ERI3: variants seen among roughly 807,000 people sequenced by gnomAD.
ERI3 encodes the protein ERI1 exoribonuclease 3.
ERI3 carries 18 observed loss-of-function variants against 44.4 expected under a neutral mutation model. The ratio of observed to expected loss-of-function variants is 0.41; its 90% confidence interval spans 0.28 to 0.60. The LOEUF (loss-of-function observed/expected upper bound fraction) is 0.60, where lower values mean the gene tolerates loss of function less well. Among genes scored for constraint, ERI3 ranks in the 20% least tolerant of loss-of-function variants. The pLI is 0.36. For synonymous variants in ERI3, 183 were observed against 164.8 expected, an observed-to-expected ratio of 1.11 and a Z score of -0.84; for missense variants, 294 against 435.5, an observed-to-expected ratio of 0.68 and a Z score of 2.89.
At position 44,285,512 on chromosome 1, in the gene ERI3, A is replaced by G. The variant is rs6698954; in HGVS notation, c.759-605T>C. 8.0e-3 allele frequency among the ~76,000 whole-genome samples: 1,212 copies of G among 152,334 alleles called. 10 individuals are homozygous for G. The highest frequency in any genetic ancestry group is 0.013 in the Non-Finnish European group (863 of 68,020). On this transcript the variant is annotated intron_variant, in intron 6 of 8. Coordinates refer to ENST00000372257, the MANE Select transcript of ERI3 (RefSeq NM_024066.3). Reference sequence around the variant, plus strand: ...GCTACAGGTTTGTTTCAGATAGAGAAGAGGCCAGGTAGAAGGATAAGAAGA... The same window carrying G: ...GCTACAGGTTTGTTTCAGATAGAGAGGAGGCCAGGTAGAAGGATAAGAAGA...
chr1:44,336,011 A>G (rs1429058035), intron 3 of ERI3, among the ~76,000 whole-genome samples: 1 of 152,182 alleles, frequency 6.6e-6, no homozygotes, highest in East Asian at 1.9e-4. Flanking sequence ...TACTCCTTGG[A>G]ATAATTACTC....
At chr1:44,232,275 G>A (rs542838386) in intron 8 of ERI3, among the ~76,000 whole-genome samples, 5 of 152,206 alleles carry the variant, frequency 3.3e-5, no homozygotes, top group African/African-American at 9.7e-5. Context: ...CAAAGAGGAC[G>A]CTGCTATTTC....
At chr1:44,280,148 G>C (rs1645257457) in intron 7 of ERI3, among the ~76,000 whole-genome samples, 1 of 151,990 alleles carries the variant, frequency 6.6e-6, no homozygotes, top group African/African-American at 2.4e-5. Context: ...CAAACTTCGG[G>C]GTTTTACAGA....
intron 7 of ERI3, among the ~76,000 whole-genome samples, chr1:44,283,795 C>T (rs1645336035): frequency 6.6e-6 from 1 of 152,180 alleles, no homozygotes; most frequent in South Asian, 2.1e-4. Flanking sequence ...ACTGCTCCTC[C>T]ACATGTTTGC....
chr1:44,344,695 G>A (rs923987483), intron 2 of ERI3, among the ~76,000 whole-genome samples: 1 of 152,186 alleles, frequency 6.6e-6, no homozygotes, highest in Non-Finnish European at 1.5e-5. Context: ...ATGAGGGCCA[G>A]AACTCAAAAG....
intron 7 of ERI3, among the ~76,000 whole-genome samples, chr1:44,279,820 GA>G (rs1361653340): frequency 6.6e-6 from 1 of 151,998 alleles, no homozygotes; most frequent in African/African-American, 2.4e-5. Context: ...AATACTCTTT[GA>G]AAAAGCAAAT....
chr1:44,339,194 C>A lies in ERI3; in HGVS notation c.340G>T (p.Glu114Ter), dbSNP rs1455062124. The A allele has an allele frequency of 6.2e-7, 1 of 1,614,064 alleles. No individual in the cohort carries two copies. The highest frequency in any genetic ancestry group is 8.5e-7 in the Non-Finnish European group (1 of 1,180,012). Residue 114 changes from glutamate to a stop codon, truncating the protein, a stop_gained, in exon 3 of 9, where the codon GAG (glutamate) becomes TAG (stop). Transcript: ENST00000372257. LOFTEE classifies it high-confidence loss of function. ...TTTCTGGTGGATATGGAGCAGAACT[C>A]CGGAACACCACAGGGAGAAAATAAG... ...SHLFSPCGVP[E>*]FCSISTRKLA...
At chr1:44,278,847 C>T (rs886193575) in intron 7 of ERI3, among the ~76,000 whole-genome samples, 4 of 152,218 alleles carry the variant, frequency 2.6e-5, no homozygotes, top group African/African-American at 4.8e-5. Flanking sequence ...AGGTGATCTG[C>T]CCACCTCGGC....
intron 7 of ERI3, among the ~76,000 whole-genome samples, chr1:44,274,767 G>C (rs1483990590): frequency 6.6e-6 from 1 of 152,180 alleles, no homozygotes; most frequent in Non-Finnish European, 1.5e-5. Context: ...TTCCCTCCCA[G>C]GGTTCCAGCA....
At chr1:44,233,560 C>T (rs984932243) in intron 8 of ERI3, among the ~76,000 whole-genome samples, 7 of 152,218 alleles carry the variant, frequency 4.6e-5, no homozygotes, top group South Asian at 4.1e-4. Context: ...CTTGCCACCA[C>T]GCCCAGCTAA....
chr1:44,286,928 C>G (rs1220651128), intron 6 of ERI3, among the ~76,000 whole-genome samples: 1 of 152,110 alleles, frequency 6.6e-6, no homozygotes, highest in Non-Finnish European at 1.5e-5. Flanking sequence ...CAGGACTCAC[C>G]CAACCTATCC....
chr1:44,355,133 GCGGCC>G lies in ERI3; in HGVS notation c.-112_-108del. 2 of 1,230,550 alleles carry G rather than the reference GCGGCC, an allele frequency of 1.6e-6. No homozygotes were observed. The highest frequency in any genetic ancestry group is 2.0e-6 in the Non-Finnish European group (2 of 982,172). 76.2% of individuals were successfully genotyped at this position (1,230,550 alleles called of 1,614,324 possible). ...CTCAGGGCAGTTGGCGGCGGCGGGC[GCGGCC>G]CGCGCCGACTGCGGCGCCGGCCAGG... On this transcript the variant is annotated 5_prime_UTR_variant, in exon 1 of 9. Transcript: ENST00000372257.
intron 3 of ERI3, among the ~76,000 whole-genome samples, chr1:44,332,174 T>C (rs1646443995): frequency 6.6e-6 from 1 of 152,264 alleles, no homozygotes; most frequent in African/African-American, 2.4e-5. Flanking sequence ...TTTTTTTATG[T>C]CCAACAAAAA....
chr1:44,221,412 G>A lies in ERI3; in HGVS notation c.*146C>T, dbSNP rs190337871. On this transcript the variant is annotated 3_prime_UTR_variant, in exon 9 of 9. Transcript: ENST00000372257. The surrounding 1 kb of genome is among the most constrained non-coding windows in gnomAD (Gnocchi z 5.9). ...AGCCCTTGCAAGGGCACAAGCCCAC[G>A]CCAAGGGCATGAGCCCACAGGGCAG... is the stretch of plus-strand genomic sequence containing the variant. 26 of 678,464 alleles carry A rather than the reference G, an allele frequency of 3.8e-5. No homozygotes were observed. The highest frequency in any genetic ancestry group is 2.3e-4 in the South Asian group (12 of 53,294). The allele number at this position is 678,464 out of a possible 1,614,324, so 42.0% of individuals were successfully genotyped here. A position where few individuals can be genotyped will look rare whatever the true frequency, so the allele number is the denominator to read the frequency against.
chr1:44,311,224 A>C (rs753443681), intron 5 of ERI3, among the ~76,000 whole-genome samples: 1 of 152,156 alleles, frequency 6.6e-6, no homozygotes, highest in Non-Finnish European at 1.5e-5. Context: ...CACACTCAGC[A>C]AAACTGGGCC....
At chr1:44,300,797 G>A (rs1422932821) in intron 6 of ERI3, among the ~76,000 whole-genome samples, 1 of 152,190 alleles carries the variant, frequency 6.6e-6, no homozygotes, top group Non-Finnish European at 1.5e-5. Context: ...CAGAGGCGGA[G>A]CACCCCTAGC....
At chr1:44,346,371 C>A (rs931464278) in intron 2 of ERI3, among the ~76,000 whole-genome samples, 1 of 152,234 alleles carries the variant, frequency 6.6e-6, no homozygotes, top group African/African-American at 2.4e-5. Flanking sequence ...CCAAGAAACA[C>A]ATAAAAAGAG....
intron 3 of ERI3, among the ~76,000 whole-genome samples, chr1:44,325,243 A>G (rs1646287328): frequency 6.6e-6 from 1 of 151,574 alleles, no homozygotes. Flanking sequence ...ACACCCGGCT[A>G]TTTTTGTATT....
chr1:44,289,484 C>T (rs955324284), intron 6 of ERI3, among the ~76,000 whole-genome samples: 5 of 152,224 alleles, frequency 3.3e-5, no homozygotes, highest in African/African-American at 1.2e-4. Flanking sequence ...TACTCAAGTT[C>T]CTTTATTACT....
Sources: allele counts gnomAD v4.1 joint callset (sites outside exome capture counted in the v4.1 genomes callset), GRCh38; gene constraint gnomAD v4.1.1; non-coding constraint Gnocchi (gnomAD v3.1); transcripts MANE v1.5; gene names NCBI Gene and HGNC (gene_info 2026-07-23, HGNC 2026-07-21).